CDC42BPB: variants seen among roughly 807,000 people sequenced by gnomAD.
The protein encoded by CDC42BPB is CDC42 binding protein kinase beta, also known as serine/threonine-protein kinase MRCK beta.
Under a neutral mutation model 214.9 loss-of-function variants are expected in CDC42BPB, and 37 were observed. That is an observed-to-expected ratio of 0.17 (90% CI 0.13 to 0.23). CDC42BPB has a LOEUF of 0.23. Ranked by LOEUF, CDC42BPB falls within the 10% of genes least tolerant of loss-of-function variation. CDC42BPB has a pLI of 1.00. For synonymous variants in CDC42BPB, 931 were observed against 884.0 expected (o/e 1.05, Z -0.94); for missense variants, 1,694 against 2,227.0 (o/e 0.76, Z 4.82).
intron 29 of CDC42BPB, 139 bp downstream of exon 29, chr14:102,945,523 T>C: frequency 2.9e-6 from 2 of 691,518 alleles, no homozygotes; most frequent in Non-Finnish European, 5.0e-6. Flanking sequence ...TCGATGCCGG[T>C]CTTCACGGCA....
chr14:103,038,028 CA>C (rs59999600), intron 1 of CDC42BPB, among the ~76,000 whole-genome samples: 131 of 118,606 alleles, frequency 1.1e-3, no homozygotes, highest in Admixed American at 1.0e-3. Context: ...GACTCCGTCT[CA>C]AAAAAAAAAA....
intron 1 of CDC42BPB, among the ~76,000 whole-genome samples, chr14:103,020,824 G>T (rs941743902): frequency 6.6e-6 from 1 of 152,238 alleles, no homozygotes; most frequent in African/African-American, 2.4e-5. Flanking sequence ...CGCAGCTACG[G>T]AAGATTAGTA....
At chr14:102,986,335 C>T (rs1397163455) in intron 6 of CDC42BPB, 152 bp downstream of exon 6, 3 of 572,866 alleles carry the variant, frequency 5.2e-6, no homozygotes, top group Admixed American at 3.3e-5. Context: ...AAACAAAACT[C>T]CCCAAACAGA....
Position 102,938,116 on chromosome 14 carries a change from G to A in CDC42BPB, c.4992C>T (p.Asp1664=), listed in dbSNP as rs780595188. Residue 1664 remains aspartate, a synonymous_variant, in exon 36 of 37, where the codon GAC becomes GAT. Transcript: ENST00000361246. ...PLRSMSDPDQ[D]FDKEPDSDST... is the part of the protein sequence containing the mutation. ...GGGCAAGTCTCACCTCTTTGTCAAA[G>A]TCCTGGTCTGGATCAGACATACTTC... 3 of 1,613,974 alleles carry A rather than the reference G, an allele frequency of 1.9e-6. No homozygotes were observed. Among genetic ancestry groups the A allele is most frequent in the Admixed American group, 3.3e-5 (2 of 60,026 alleles).
At chr14:102,990,401 A>T (rs1333581662) in intron 5 of CDC42BPB, among the ~76,000 whole-genome samples, 1 of 152,196 alleles carries the variant, frequency 6.6e-6, no homozygotes, top group Non-Finnish European at 1.5e-5. Flanking sequence ...TCCTGGGCAG[A>T]GCAATTCTAA....
intron 11 of CDC42BPB, among the ~76,000 whole-genome samples, chr14:102,974,664 T>C (rs1893654023): frequency 6.6e-6 from 1 of 152,122 alleles, no homozygotes; most frequent in African/African-American, 2.4e-5. Context: ...GGCTTAAAAG[T>C]GATTGGAGCC....
At position 103,008,524 on chromosome 14, in the gene CDC42BPB, C is replaced by A. The variant is rs776104283; in HGVS notation, c.299G>T (p.Arg100Leu). ...VAVVKMKNTE[R>L]IYAMKILNKW... The stretch of plus-strand genomic sequence containing the variant: ...GTTGAGGATTTTCATTGCATAAATT[C>A]GTTCAGTATTCTTCATTTTGACAAC... Residue 100 changes from arginine to leucine, a missense_variant, in exon 3 of 37, where the codon CGA (arginine) becomes CTA (leucine). Coordinates refer to ENST00000361246, the MANE Select transcript of CDC42BPB (RefSeq NM_006035.4). The A allele has an allele frequency of 6.2e-7, 1 of 1,612,474 alleles. No homozygotes were observed. Among genetic ancestry groups the A allele is most frequent in the Non-Finnish European group, 8.5e-7 (1 of 1,178,442 alleles).
At chr14:102,986,930 C>G (rs941412158) in intron 5 of CDC42BPB, among the ~76,000 whole-genome samples, 1 of 152,232 alleles carries the variant, frequency 6.6e-6, no homozygotes, top group African/African-American at 2.4e-5. Flanking sequence ...CTTCATGAAG[C>G]CTGCACACGA....
chr14:102,945,284 G>T (rs974364185), intron 29 of CDC42BPB: 1 of 462,108 alleles, frequency 2.2e-6, no homozygotes, highest in Non-Finnish European at 4.3e-6. Context: ...GCTGTGGAGC[G>T]GGTGCATGCC....
In CDC42BPB at chr14:102,933,506, CTGTGCAGACGAACAGA is replaced by C; in HGVS notation, c.*190_*205del. Reference sequence around the variant, plus strand: ...CAGATGGAACAGCATCGCCTCACAGCTGTGCAGACGAACAGATGTGGTCTACTGCCACGAACAATGC... The same window carrying C: ...CAGATGGAACAGCATCGCCTCACAGCTGTGGTCTACTGCCACGAACAATGC... On this transcript the variant is annotated 3_prime_UTR_variant, in exon 37 of 37. Coordinates refer to ENST00000361246, the MANE Select transcript of CDC42BPB (RefSeq NM_006035.4). 2.2e-6 allele frequency: 1 copy of C among 458,064 alleles called. No individual in the cohort carries two copies. The highest frequency in any genetic ancestry group is 3.7e-6 in the Non-Finnish European group (1 of 268,498). The allele number at this position is 458,064 out of a possible 1,614,324, so 28.4% of individuals were successfully genotyped here. A position where few individuals can be genotyped will look rare whatever the true frequency, so the allele number is the denominator to read the frequency against.
intron 1 of CDC42BPB, chr14:103,041,608 C>T (rs1887999857): frequency 1.2e-6 from 1 of 834,216 alleles, no homozygotes. Context: ...CATTGCCCTG[C>T]ACACCGCGTT....
chr14:102,972,332 A>G, intron 12 of CDC42BPB, 171 bp from the exon 13 acceptor site: 2 of 985,426 alleles, frequency 2.0e-6, no homozygotes, highest in Non-Finnish European at 2.4e-6. Context: ...GTCTCGTGCC[A>G]GCCACACAGG....
At chr14:103,021,123 T>C (rs942055270) in intron 1 of CDC42BPB, among the ~76,000 whole-genome samples, 2 of 152,186 alleles carry the variant, frequency 1.3e-5, no homozygotes, top group Non-Finnish European at 2.9e-5. Context: ...TTTAACTTAA[T>C]GCAACTTGAG....
chr14:102,945,705 G>T lies in CDC42BPB; in HGVS notation c.3768C>A (p.Val1256=). ...AAIVDADRIA[V]GLEEGLYVIE... ...TGACATAGAGCCCTTCTTCTAGGCC[G>T]ACTGCAATCCTGTCTGCATCTGTGG... The change falls in exon 29 of 37, where the codon GTC becomes GTA. Residue 1256 remains valine, a synonymous_variant. Transcript: ENST00000361246. 3 of 1,612,842 alleles carry T rather than the reference G, an allele frequency of 1.9e-6. No individual in the cohort carries two copies. The highest frequency in any genetic ancestry group is 2.5e-6 in the Non-Finnish European group (3 of 1,179,874).
chr14:103,009,422 C>T (rs1886030632), intron 2 of CDC42BPB, among the ~76,000 whole-genome samples: 1 of 152,140 alleles, frequency 6.6e-6, no homozygotes, highest in African/African-American at 2.4e-5. Flanking sequence ...CCATCTTGTA[C>T]AGATATGGAC....
chr14:102,980,019 T>G (rs922397513), intron 8 of CDC42BPB, among the ~76,000 whole-genome samples: 1 of 152,202 alleles, frequency 6.6e-6, no homozygotes, highest in Non-Finnish European at 1.5e-5. Flanking sequence ...GCTGTAATGT[T>G]AGAAAGATTT....
chr14:103,041,593 C>T, intron 1 of CDC42BPB: 1 of 920,666 alleles, frequency 1.1e-6, no homozygotes. Context: ...AGCTAAAGTG[C>T]CCCACATTGC....
chr14:103,011,347 C>T (rs1051517636), intron 2 of CDC42BPB, among the ~76,000 whole-genome samples: 1 of 152,246 alleles, frequency 6.6e-6, no homozygotes, highest in African/African-American at 2.4e-5. Context: ...CAAGCAAGTA[C>T]AGAGCATGAA....
rs1268734016 is a variant in CDC42BPB at position 103,054,633 on chromosome 14, C to CA, written c.175+2365dup. ...AGAGTTACAATGACGTATATGTTAA[C>CA]ATAAATGAGTTTAAATACTTGTAAA... On this transcript the variant is annotated intron_variant, in intron 1 of 36. Transcript: ENST00000361246. Among the ~76,000 whole-genome samples, 4 of 152,344 alleles carry CA rather than the reference C, an allele frequency of 2.6e-5. No homozygotes were observed. In the East Asian group the frequency reaches 5.8e-4, roughly 22 times the overall value.
Sources: gnomAD v4.1 joint callset for allele counts (sites outside exome capture counted in the v4.1 genomes callset) on GRCh38, gnomAD v4.1.1 for gene constraint, MANE v1.5 for transcripts, NCBI Gene and HGNC (gene_info 2026-07-23, HGNC 2026-07-21) for gene names.